Variants in PAX8 observed in about 807,000 individuals in gnomAD.
PAX8 encodes the protein paired box protein Pax-8.
Under a neutral mutation model 52.4 loss-of-function variants are expected in PAX8, and 15 were observed. That is an observed-to-expected ratio of 0.29 (90% CI 0.19 to 0.44). The LOEUF is 0.44. Among genes scored for constraint, PAX8 ranks in the 20% least tolerant of loss-of-function variants. The pLI, the probability that PAX8 is intolerant of heterozygous loss-of-function variation, is 1.00. For synonymous variants in PAX8, 284 were observed against 249.7 expected, an observed-to-expected ratio of 1.14 and a Z score of -1.29; for missense variants, 554 against 602.5, an observed-to-expected ratio of 0.92 and a Z score of 0.84.
At chr2:113,228,171 A>G (rs1461086843) in intron 9 of PAX8, among the ~76,000 whole-genome samples, 1 of 152,076 alleles carries the variant, frequency 6.6e-6, no homozygotes, top group Non-Finnish European at 1.5e-5. Context: ...GCATATAACA[A>G]TGAACATAAA....
chr2:113,232,729 G>C (rs1382544515), intron 9 of PAX8, among the ~76,000 whole-genome samples: 1 of 152,166 alleles, frequency 6.6e-6, no homozygotes, highest in East Asian at 1.9e-4. Context: ...TAGGGGCTTT[G>C]GGAGTAGGGA....
Position 113,255,994 on chromosome 2 carries a change from T to TAA in PAX8, c.26-9077_26-9076dup, listed in dbSNP as rs33968693. Reference sequence around the variant, plus strand: ...CATATGCCTGCCAGGGCTCAATCAGTAAAAAAAAAAAAAAAAAGTTCTCCA... The same window carrying TAA: ...CATATGCCTGCCAGGGCTCAATCAGTAAAAAAAAAAAAAAAAAAAGTTCTCCA... On this transcript the variant is annotated intron_variant, in intron 2 of 11. Coordinates refer to ENST00000429538, the MANE Select transcript of PAX8 (RefSeq NM_003466.4). Among the ~76,000 whole-genome samples, 413 of 135,322 alleles carry TAA rather than the reference T, an allele frequency of 3.1e-3. 4 individuals are homozygous for TAA. The highest frequency in any genetic ancestry group is 7.6e-3 in the African/African-American group (278 of 36,778). The allele number at this position is 135,322 out of a possible 152,430, so 88.8% of individuals were successfully genotyped here. A position where few individuals can be genotyped will look rare whatever the true frequency, so the allele number is the denominator to read the frequency against.
chr2:113,262,985 A>C (rs920869604), intron 2 of PAX8, among the ~76,000 whole-genome samples: 4 of 152,348 alleles, frequency 2.6e-5, no homozygotes, highest in African/African-American at 7.2e-5. Context: ...ACAGAGTTTT[A>C]GAGCTTTAGC....
chr2:113,248,980 A>AAGGG (rs111670698), intron 2 of PAX8, among the ~76,000 whole-genome samples: 15,660 of 152,158 alleles, frequency 0.1, 1,096 homozygotes, highest in Middle Eastern at 0.2. Context: ...AAAGAAAAAA[A>AAGGG]AGGGAGGTGG....
rs115714876 is a variant in PAX8 at position 113,246,705 on chromosome 2, G to A, written c.191+49C>T. The A allele has an allele frequency of 5.2e-4, 824 of 1,590,564 alleles. 7 individuals carry two copies. In the African/African-American group the frequency reaches 9.5e-3, roughly 18 times the overall value. On this transcript the variant is annotated intron_variant, in intron 3 of 11. Coordinates refer to ENST00000429538, the MANE Select transcript of PAX8 (RefSeq NM_003466.4). ...TCTAGCTGCCCTGAGATCAGCTGGA[G>A]AAGTCAAGCCCTGCGGGGAAGGCGG...
At chr2:113,224,565 AG>A (rs201688288) in intron 10 of PAX8, among the ~76,000 whole-genome samples, 2,258 of 147,194 alleles carry the variant, frequency 0.015, 85 homozygotes, top group African/African-American at 0.052. Flanking sequence ...AAAAAAAAAA[AG>A]GAAAGATGGA....
Position 113,242,138 on chromosome 2 carries a change from G to C in PAX8, c.479-8C>G. ...TTACAGCTGAGCTGGGGACTGCAGT[G>C]GGGGAGAGGGAGAGGGTCAGGGGTG... On this transcript the variant is annotated splice_polypyrimidine_tract_variant and splice_region_variant and intron_variant, in intron 5 of 11. Transcript: ENST00000429538. 1 of 1,610,350 alleles carries C rather than the reference G, an allele frequency of 6.2e-7. No individual in the cohort carries two copies. The highest frequency in any genetic ancestry group is 1.1e-5 in the South Asian group (1 of 90,772).
chr2:113,226,938 G>A (rs954962660), intron 10 of PAX8: 104 of 1,460,308 alleles, frequency 7.1e-5, no homozygotes, highest in Non-Finnish European at 9.1e-5. Context: ...GGCCTGGGAA[G>A]AAGGAGGCCG....
intron 2 of PAX8, among the ~76,000 whole-genome samples, chr2:113,248,336 G>A (rs1005749023): frequency 6.6e-6 from 1 of 152,222 alleles, no homozygotes; most frequent in Admixed American, 6.5e-5. Context: ...TGGGGCTAGA[G>A]CTATGCCTGG....
intron 9 of PAX8, 82 bp from the exon 10 acceptor site, chr2:113,227,338 C>A: frequency 8.6e-7 from 1 of 1,157,412 alleles, no homozygotes. Context: ...GGCTGTCTTC[C>A]TCCATGCCAT....
intron 4 of PAX8, 40 bp from the exon 5 acceptor site, chr2:113,242,818 G>C: frequency 1.3e-6 from 2 of 1,514,804 alleles, no homozygotes; most frequent in South Asian, 1.1e-5. Flanking sequence ...GAGAAGAGGA[G>C]GAAAGAGAAC....
At position 113,242,690 on chromosome 2, in the gene PAX8, T is replaced by G; in HGVS notation, c.478A>C (p.Ile160Leu). 6.2e-7 allele frequency: 1 copy of G among 1,609,230 alleles called. No homozygotes were observed. Among genetic ancestry groups the G allele is most frequent in the Non-Finnish European group, 8.5e-7 (1 of 1,175,620 alleles). Residue 160 changes from isoleucine (I) to leucine (L), a missense_variant and splice_region_variant, in exon 5 of 12, where the codon ATC becomes CTC. Transcript: ENST00000429538. ...TKSLSPGHTL[I>L]PSSAVTPPES... ...TGTATCCAGGTCTCTCAGCACTCACTCAGCGTGTGTCCGGGACTCAGGGAC... is the reference window on the plus strand; with the variant it reads ...TGTATCCAGGTCTCTCAGCACTCACGCAGCGTGTGTCCGGGACTCAGGGAC...
chr2:113,240,750 T>C (rs1176418818), intron 7 of PAX8: 2 of 152,736 alleles, frequency 1.3e-5, no homozygotes, highest in African/African-American at 2.4e-5. Context: ...TGTTCATTCA[T>C]TCACTATACC....
At chr2:113,271,043 G>A (rs563877357) in intron 2 of PAX8, 1 of 152,336 alleles carries the variant, frequency 6.6e-6, no homozygotes, top group East Asian at 1.9e-4. Context: ...AACCTCTGCA[G>A]AGGCTCCAAA....
intron 4 of PAX8, among the ~76,000 whole-genome samples, chr2:113,243,581 G>A (rs1335730199): frequency 6.6e-6 from 1 of 152,108 alleles, no homozygotes; most frequent in African/African-American, 2.4e-5. Context: ...TAGAAGAGAT[G>A]GGGTTTCACC....
intron 10 of PAX8, among the ~76,000 whole-genome samples, chr2:113,224,566 G>A (rs3978694): frequency 0.36 from 49,401 of 138,722 alleles, 8,884 homozygotes; most frequent in South Asian, 0.45. Flanking sequence ...AAAAAAAAAA[G>A]GAAAGATGGA....
chr2:113,235,232 C>T, intron 9 of PAX8, 162 bp downstream of exon 9: 1 of 623,998 alleles, frequency 1.6e-6, no homozygotes. Context: ...TTCCCCGTCA[C>T]AGAGAACTTC....
chr2:113,247,770 G>T (rs558433583), intron 2 of PAX8, among the ~76,000 whole-genome samples: 1 of 152,198 alleles, frequency 6.6e-6, no homozygotes, highest in Non-Finnish European at 1.5e-5. Flanking sequence ...TATGTGCCAC[G>T]CACTGCACAG....
chr2:113,258,626 G>C (rs1435167303), intron 2 of PAX8, among the ~76,000 whole-genome samples: 1 of 152,202 alleles, frequency 6.6e-6, no homozygotes, highest in Non-Finnish European at 1.5e-5. Context: ...CAGCTCCGCT[G>C]TTATTCTTGT....
Sources: gnomAD v4.1 joint callset for allele counts (sites outside exome capture counted in the v4.1 genomes callset) on GRCh38, gnomAD v4.1.1 for gene constraint, MANE v1.5 for transcripts, NCBI Gene and HGNC (gene_info 2026-07-23, HGNC 2026-07-21) for gene names.